ZDHHC21: variants seen among roughly 807,000 people sequenced by gnomAD.
The protein encoded by ZDHHC21 is palmitoyltransferase ZDHHC21.
In ZDHHC21, 15 loss-of-function variants were observed where a neutral mutation model predicts 34.6. That is an observed-to-expected ratio of 0.43 (90% CI 0.29 to 0.67). The LOEUF is 0.67. Ranked by LOEUF, ZDHHC21 falls within the 30% of genes least tolerant of loss-of-function variation. The probability of loss-of-function intolerance (pLI) is 0.14; values close to 1 mark genes in which losing one functional copy is unlikely to be tolerated. For missense variants in ZDHHC21, 344 were observed against 327.7 expected, an observed-to-expected ratio of 1.05 and a Z score of -0.38; for synonymous variants, 142 against 101.8, an observed-to-expected ratio of 1.40 and a Z score of -2.38.
At chr9:14,664,421 C>G (rs9298703) in intron 5 of ZDHHC21, among the ~76,000 whole-genome samples, 141,059 of 149,868 alleles carry the variant, frequency 0.94, 66,429 homozygotes, top group Non-Finnish European at 0.96. Flanking sequence ...AGGCGGCAGC[C>G]AGGCTGGGGG....
chr9:14,634,880 A>T (rs1299750492), intron 8 of ZDHHC21, among the ~76,000 whole-genome samples: 1 of 152,102 alleles, frequency 6.6e-6, no homozygotes, highest in Non-Finnish European at 1.5e-5. Flanking sequence ...CCAGAAAAAT[A>T]ATTCAAAATA....
Position 14,687,619 on chromosome 9 carries a change from A to C in ZDHHC21, c.-176+2718T>G, listed in dbSNP as rs1838534390. ...CTTGAACCCAGGAGGCAGAAGCCGC[A>C]GTGAGCAGAAATCATCGTGCCACTG... On this transcript the variant is annotated intron_variant, in intron 2 of 9. Transcript: ENST00000380916. Among the ~76,000 whole-genome samples, 2 of 150,978 alleles carry C rather than the reference A, an allele frequency of 1.3e-5. 1 individual carries two copies. The highest frequency in any genetic ancestry group is 5.0e-5 in the African/African-American group (2 of 40,234).
Position 14,617,879 on chromosome 9 carries a change from AGGTACACAAAGTTAGTGACT to A in ZDHHC21, c.*1067_*1086del, listed in dbSNP as rs1824538822. On this transcript the variant is annotated 3_prime_UTR_variant, in exon 10 of 10. Coordinates refer to ENST00000380916, the MANE Select transcript of ZDHHC21 (RefSeq NM_178566.6). ...AATTTAATTTTAATTTAGGGATTAT[AGGTACACAAAGTTAGTGACT>A]TTTTTTAGTAGTAGCTTCCTATAAA... 6.6e-6 allele frequency: 1 copy of A among 152,034 alleles called. No homozygotes were observed. Among genetic ancestry groups the A allele is most frequent in the South Asian group, 2.1e-4 (1 of 4,832 alleles). The allele number at this position is 152,034 out of a possible 1,614,324, so 9.4% of individuals were successfully genotyped here.
At chr9:14,645,892 A>C (rs962416452) in intron 7 of ZDHHC21, among the ~76,000 whole-genome samples, 4 of 152,162 alleles carry the variant, frequency 2.6e-5, no homozygotes, top group Admixed American at 6.6e-5. Context: ...CAAATGGCTA[A>C]TGTTAAGAAG....
chr9:14,624,422 G>C (rs114574601), intron 8 of ZDHHC21, among the ~76,000 whole-genome samples: 194 of 152,166 alleles, frequency 1.3e-3, no homozygotes, highest in African/African-American at 4.5e-3. Flanking sequence ...GAATCAACCT[G>C]TGTCTAACAG....
chr9:14,644,502 G>C (rs1829943013), intron 7 of ZDHHC21, among the ~76,000 whole-genome samples: 1 of 151,636 alleles, frequency 6.6e-6, no homozygotes, highest in Admixed American at 6.6e-5. Context: ...GGTTGATTTT[G>C]TGTGTTTTTT....
the ZDHHC21 span, among the ~76,000 whole-genome samples, chr9:14,598,694 T>C: frequency 1.3e-5 from 2 of 152,080 alleles, no homozygotes; most frequent in Non-Finnish European, 2.9e-5. Flanking sequence ...ATACAAAAAA[T>C]AGAAAAGCAA....
chr9:14,654,059 C>A (rs1393995838), intron 7 of ZDHHC21, among the ~76,000 whole-genome samples: 1 of 151,918 alleles, frequency 6.6e-6, no homozygotes, highest in African/African-American at 2.4e-5. Flanking sequence ...ACATTCAGTA[C>A]TGAATGAAAA....
chr9:14,640,080 A>C, intron 7 of ZDHHC21, 68 bp from the exon 8 acceptor site: 1 of 814,436 alleles, frequency 1.2e-6, no homozygotes, highest in South Asian at 1.9e-5. Context: ...CGCAATAATA[A>C]TCAAGAATTG....
chr9:14,606,532 G>A (rs994925719), downstream of ZDHHC21, among the ~76,000 whole-genome samples: 4 of 152,030 alleles, frequency 2.6e-5, no homozygotes, highest in East Asian at 3.9e-4. Context: ...AGGATCTTTC[G>A]GTCCTCCAGC....
intron 5 of ZDHHC21, among the ~76,000 whole-genome samples, chr9:14,664,367 G>A (rs553443600): frequency 6.6e-6 from 1 of 151,552 alleles, no homozygotes; most frequent in East Asian, 1.9e-4. Context: ...TATGCCCACG[G>A]AGTCTCGCTG....
the ZDHHC21 span, among the ~76,000 whole-genome samples, chr9:14,597,126 T>C: frequency 1.3e-5 from 2 of 152,110 alleles, no homozygotes; most frequent in African/African-American, 2.4e-5. Context: ...AACAGCATTG[T>C]TCCAGAGAGG....
chr9:14,622,813 T>C (rs1358852342), intron 8 of ZDHHC21: 17 of 837,826 alleles, frequency 2.0e-5, no homozygotes, highest in South Asian at 5.5e-5. Flanking sequence ...ATGGAGTTTC[T>C]AGACCTGCCA....
intron 8 of ZDHHC21, among the ~76,000 whole-genome samples, chr9:14,624,765 T>C (rs1259004040): frequency 7.9e-5 from 12 of 152,204 alleles, no homozygotes; most frequent in African/African-American, 2.9e-4. Flanking sequence ...AACAAAGTAC[T>C]GTACATCTCA....
rs1312286563 is a variant in ZDHHC21 at position 14,611,196 on chromosome 9, G to C, written c.*7770C>G. 1 of 151,382 alleles carries C rather than the reference G, an allele frequency of 6.6e-6. No individual in the cohort carries two copies. The highest frequency in any genetic ancestry group is 1.5e-5 in the Non-Finnish European group (1 of 67,746). The allele number at this position is 151,382 out of a possible 1,614,324, so 9.4% of individuals were successfully genotyped here. ...TCTGCAAAGAAAATAGAAATATTACGTGAAAAAAACTAAATCGCTACAATA... is the reference window on the plus strand; with the variant it reads ...TCTGCAAAGAAAATAGAAATATTACCTGAAAAAAACTAAATCGCTACAATA... On this transcript the variant is annotated 3_prime_UTR_variant, in exon 10 of 10. Coordinates refer to ENST00000380916, the MANE Select transcript of ZDHHC21 (RefSeq NM_178566.6).
intron 4 of ZDHHC21, 75 bp downstream of exon 4, chr9:14,674,112 T>C (rs1587385834): frequency 3.2e-6 from 3 of 931,808 alleles, no homozygotes; most frequent in Non-Finnish European, 4.6e-6. Flanking sequence ...AAAGTTATCA[T>C]AGTGGCACTA....
At chr9:14,693,056 G>A (rs1213981337) in intron 1 of ZDHHC21, among the ~76,000 whole-genome samples, 173 bp downstream of exon 1, 1 of 151,542 alleles carries the variant, frequency 6.6e-6, no homozygotes, top group Admixed American at 6.6e-5. Flanking sequence ...AGAAACCCCC[G>A]GGTTCCAAAC....
intron 5 of ZDHHC21, among the ~76,000 whole-genome samples, chr9:14,663,099 G>A (rs79204269): frequency 0.053 from 8,132 of 152,198 alleles, 281 homozygotes; most frequent in Admixed American, 0.11. Context: ...AAGAGAAAAG[G>A]CTTTTGTTTT....
At chr9:14,664,368 A>T (rs1194673552) in intron 5 of ZDHHC21, among the ~76,000 whole-genome samples, 1 of 151,438 alleles carries the variant, frequency 6.6e-6, no homozygotes, top group Non-Finnish European at 1.5e-5. Context: ...ATGCCCACGG[A>T]GTCTCGCTGA....
Sources: allele counts gnomAD v4.1 joint callset (sites outside exome capture counted in the v4.1 genomes callset), GRCh38; gene constraint gnomAD v4.1.1; transcripts MANE v1.5; gene names NCBI Gene and HGNC (gene_info 2026-07-23, HGNC 2026-07-21).